Variants in NAV3 observed in about 807,000 individuals in gnomAD.
The protein encoded by NAV3 is pore membrane and/or filament interacting like protein 1.
Under a neutral mutation model 244.7 loss-of-function variants are expected in NAV3, and 87 were observed. That is an observed-to-expected ratio of 0.36 (90% CI 0.30 to 0.42). The LOEUF is 0.42. Ranked by LOEUF, NAV3 falls within the 20% of genes least tolerant of loss-of-function variation. The probability of loss-of-function intolerance (pLI) is 1.00; values close to 1 mark genes in which losing one functional copy is unlikely to be tolerated. For missense variants in NAV3, 2,663 were observed against 2,893.3 expected, an observed-to-expected ratio of 0.92 and a Z score of 1.83; for synonymous variants, 1,126 against 1,042.2, an observed-to-expected ratio of 1.08 and a Z score of -1.55.
chr12:77,914,044 T>C (rs1447495590), intron 1 of NAV3, among the ~76,000 whole-genome samples: 3 of 151,938 alleles, frequency 2.0e-5, no homozygotes, highest in African/African-American at 7.2e-5. Flanking sequence ...CTCTGAGCCA[T>C]GAGATTTTAA....
At chr12:77,602,158 T>C (rs1870461827) in intron 2 of NAV3, among the ~76,000 whole-genome samples, 1 of 151,996 alleles carries the variant, frequency 6.6e-6, no homozygotes, top group Non-Finnish European at 1.5e-5. Flanking sequence ...TTCTATTGGC[T>C]ACAATTTAGT....
At chr12:78,073,039 AAAT>A (rs1952858449) in intron 12 of NAV3, among the ~76,000 whole-genome samples, 1 of 138,310 alleles carries the variant, frequency 7.2e-6, no homozygotes, top group Non-Finnish European at 1.6e-5. Context: ...ACGTATTTCA[AAAT>A]AATAAGAGCT....
intron 2 of NAV3, among the ~76,000 whole-genome samples, chr12:77,804,495 A>G (rs957349589): frequency 6.6e-6 from 1 of 152,062 alleles, no homozygotes; most frequent in Non-Finnish European, 1.5e-5. Flanking sequence ...GGGTTGCATT[A>G]TTTCTGAGAC....
rs555001924 is a variant in NAV3, at chr12:77,677,964, TA to T, written c.72+105700del. Among the ~76,000 whole-genome samples the T allele has an allele frequency of 9.5e-4, 145 of 152,318 alleles. 2 individuals carry two copies. The highest frequency in any genetic ancestry group is 3.3e-3 in the African/African-American group (137 of 41,584). On this transcript the variant is annotated intron_variant, in intron 2 of 8. Coordinates refer to the NAV3 transcript ENST00000550042. ...TTTCACAGATTTATTAAAATTGAAA[TA>T]ATTTTTTTCTTACAACTTTAAGACT...
chr12:77,851,597 T>C (rs1482259196), intron 1 of NAV3, among the ~76,000 whole-genome samples: 1 of 152,180 alleles, frequency 6.6e-6, no homozygotes, highest in Non-Finnish European at 1.5e-5. Context: ...CTTGTAATAA[T>C]GATTGTCGTT....
intron 12 of NAV3, among the ~76,000 whole-genome samples, chr12:78,074,450 C>G (rs1056423304): frequency 2.0e-5 from 3 of 152,060 alleles, no homozygotes; most frequent in African/African-American, 7.2e-5. Flanking sequence ...GCCTGTAATC[C>G]CAGCACTTTG....
chr12:78,081,795 C>T (rs986524694), intron 12 of NAV3, among the ~76,000 whole-genome samples: 11 of 152,300 alleles, frequency 7.2e-5, no homozygotes, highest in African/African-American at 2.4e-4. Context: ...GTGCCCCTTT[C>T]CCCGGGCAGC....
chr12:78,198,941 AAAAAG>A (rs1427079540), intron 36 of NAV3: 1 of 455,178 alleles, frequency 2.2e-6, no homozygotes, highest in Non-Finnish European at 4.0e-6. Context: ...AAAGGAAAGA[AAAAAG>A]AAAAGTAAAG....
chr12:77,734,556 T>A (rs192135656), intron 2 of NAV3, among the ~76,000 whole-genome samples: 233 of 152,248 alleles, frequency 1.5e-3, no homozygotes, highest in Non-Finnish European at 2.9e-3. Flanking sequence ...GTTTTAAAGA[T>A]GCGTATTTTG....
chr12:77,783,355 T>C (rs1367950219), intron 2 of NAV3: 1 of 152,068 alleles, frequency 6.6e-6, no homozygotes, highest in Non-Finnish European at 1.5e-5. Flanking sequence ...TGATTGCCAG[T>C]ATCTGGCAGC....
chr12:78,102,741 C>T (rs189554756), intron 12 of NAV3, among the ~76,000 whole-genome samples: 63 of 152,328 alleles, frequency 4.1e-4, no homozygotes, highest in African/African-American at 1.5e-3. Flanking sequence ...TTTCTGTGCA[C>T]CTGCAGGCTC....
chr12:78,207,746 A>G (rs1409446239), intron 39 of NAV3, among the ~76,000 whole-genome samples: 1 of 152,216 alleles, frequency 6.6e-6, no homozygotes, highest in Non-Finnish European at 1.5e-5. Context: ...TTGCTAGATC[A>G]TGCTAAGCCT....
chr12:78,194,234 C>A (rs1165537309), intron 34 of NAV3, among the ~76,000 whole-genome samples: 1 of 151,924 alleles, frequency 6.6e-6, no homozygotes, highest in Non-Finnish European at 1.5e-5. Context: ...AATTTCAGCC[C>A]CAAACACATA....
At chr12:78,026,039 T>C (rs1877998480) in intron 9 of NAV3, among the ~76,000 whole-genome samples, 1 of 152,218 alleles carries the variant, frequency 6.6e-6, no homozygotes, top group Admixed American at 6.5e-5. Context: ...TCCTCAAACC[T>C]TACTGTTCCT....
chr12:77,912,694 G>A (rs976091000), intron 1 of NAV3, among the ~76,000 whole-genome samples: 19 of 150,772 alleles, frequency 1.3e-4, no homozygotes, highest in Admixed American at 4.6e-4. Context: ...GCAATGGTGC[G>A]ATCTCAGCTG....
At chr12:78,188,492 TA>T in intron 32 of NAV3, 116 bp from the exon 33 acceptor site, 1 of 1,188,130 alleles carries the variant, frequency 8.4e-7, no homozygotes, top group Non-Finnish European at 1.2e-6. Flanking sequence ...TAACAGTTCT[TA>T]TATTACCCAT....
intron 1 of NAV3, among the ~76,000 whole-genome samples, chr12:77,879,452 G>A (rs937727967): frequency 6.6e-6 from 1 of 152,010 alleles, no homozygotes; most frequent in African/African-American, 2.4e-5. Flanking sequence ...TGGATCACTT[G>A]AGCGCAGGAG....
At chr12:77,995,816 C>G (rs1041468639) in intron 6 of NAV3, among the ~76,000 whole-genome samples, 21 of 152,046 alleles carry the variant, frequency 1.4e-4, no homozygotes, top group African/African-American at 5.1e-4. Context: ...GGGTAAGGAA[C>G]AGTCACCTGC....
chr12:78,117,157 GCA>G (rs1955425282), intron 13 of NAV3, among the ~76,000 whole-genome samples: 1 of 11,614 alleles, frequency 8.6e-5, no homozygotes, highest in Non-Finnish European at 1.4e-4. Flanking sequence ...AACAGAAGCA[GCA>G]TATATATATA....
Sources: allele counts gnomAD v4.1 joint callset (sites outside exome capture counted in the v4.1 genomes callset), GRCh38; gene constraint gnomAD v4.1.1; transcripts MANE v1.5; gene names NCBI Gene and HGNC (gene_info 2026-07-23, HGNC 2026-07-21).